Variants in PALM observed in about 807,000 individuals in gnomAD.
PALM encodes the protein paralemmin.
PALM carries 18 observed loss-of-function variants against 30.7 expected under a neutral mutation model. The observed-to-expected ratio is 0.59, with a 90% CI of 0.41 to 0.87. The LOEUF is 0.87. Ranked by LOEUF, PALM falls within the 40% of genes least tolerant of loss-of-function variation. The pLI is 0.00. For missense variants in PALM, 529 were observed against 555.4 expected, an observed-to-expected ratio of 0.95 and a Z score of 0.48; for synonymous variants, 286 against 242.8, an observed-to-expected ratio of 1.18 and a Z score of -1.66.
intron 7 of PALM, among the ~76,000 whole-genome samples, chr19:737,197 C>T (rs1409773290): frequency 6.6e-6 from 1 of 152,216 alleles, no homozygotes; most frequent in African/African-American, 2.4e-5. Context: ...ATGCAGCAGA[C>T]AGAGGCATTT....
At position 746,206 on chromosome 19, in the gene PALM, C is replaced by T. The variant is rs2384776; in HGVS notation, c.635-79C>T. The T allele has an allele frequency of 0.27, 301,224 of 1,127,080 alleles. 42,367 individuals carry two copies. Among genetic ancestry groups the T allele is most frequent in the Admixed American group, 0.47 (22,974 of 48,974 alleles). The allele number at this position is 1,127,080 out of a possible 1,614,324, so 69.8% of individuals were successfully genotyped here. A position where few individuals can be genotyped will look rare whatever the true frequency, so the allele number is the denominator to read the frequency against. On this transcript the variant is annotated intron_variant, in intron 8 of 8. Coordinates refer to ENST00000338448, the MANE Select transcript of PALM (RefSeq NM_002579.3). This position sits in a 1 kb window ranked among gnomAD's most constrained non-coding sequence, Gnocchi z 7.1. Reference sequence around the variant, plus strand: ...GAGGATACAAGCCTTGCCAAGGTTTCCCTCCTGCCTGAGCCAGGTCACTCT... The same window carrying T: ...GAGGATACAAGCCTTGCCAAGGTTTTCCTCCTGCCTGAGCCAGGTCACTCT...
chr19:720,152 C>T (rs1226619314), intron 1 of PALM, among the ~76,000 whole-genome samples: 1 of 148,216 alleles, frequency 6.7e-6, no homozygotes. Context: ...GAAGCCTCGG[C>T]CCCCCCCAAT....
intron 1 of PALM, among the ~76,000 whole-genome samples, chr19:721,067 G>A (rs2032461529): frequency 6.6e-6 from 1 of 152,162 alleles, no homozygotes; most frequent in Admixed American, 6.6e-5. Context: ...GTGGCTTCCA[G>A]CCATGGGAAG....
chr19:746,378 C>T lies in PALM; in HGVS notation c.728C>T (p.Thr243Met), dbSNP rs766138208. ...DELIHKADEV[T>M]LSEAGSTAGA... ...CTCATCCACAAAGCGGACGAGGTCACGCTGAGCGAGGCAGGGTCCACGGCC... is the reference window on the plus strand; with the variant it reads ...CTCATCCACAAAGCGGACGAGGTCATGCTGAGCGAGGCAGGGTCCACGGCC... The change falls in exon 9 of 9, where the codon ACG (threonine) becomes ATG (methionine). Residue 243 changes from threonine to methionine, a missense_variant. Transcript: ENST00000338448. This position sits in a 1 kb window ranked among gnomAD's most constrained non-coding sequence, Gnocchi z 7.1. 78 of 1,613,218 alleles carry T rather than the reference C, an allele frequency of 4.8e-5. 1 individual carries two copies. In the South Asian group the frequency reaches 6.1e-4, roughly 13 times the overall value.
intron 5 of PALM, among the ~76,000 whole-genome samples, chr19:732,675 C>T (rs552213487): frequency 4.0e-5 from 6 of 151,888 alleles, no homozygotes; most frequent in African/African-American, 1.4e-4. Flanking sequence ...GCCTGGGAGA[C>T]AGAGCAAGAT....
rs1007410170 is a variant in PALM, at chr19:735,107, C to A, written c.443-912C>A. The A allele has an allele frequency of 1.6e-5, 14 of 890,396 alleles. No individual in the cohort carries two copies. In the African/African-American group the frequency reaches 2.4e-4, roughly 15 times the overall value. The allele number at this position is 890,396 out of a possible 1,614,324, so 55.2% of individuals were successfully genotyped here. On this transcript the variant is annotated intron_variant, in intron 6 of 8. Coordinates refer to ENST00000338448, the MANE Select transcript of PALM (RefSeq NM_002579.3). ...ATTTTCTAGGGGTTGCGGTGGGGGT[C>A]CAGGTGCCTGTGTCTGTGCGGGGCC...
chr19:713,265 TC>T (rs1367689772), intron 1 of PALM, among the ~76,000 whole-genome samples: 1 of 152,082 alleles, frequency 6.6e-6, no homozygotes, highest in African/African-American at 2.4e-5. Context: ...TTGTCGGTGG[TC>T]TTGGCTCCTG....
chr19:723,096 T>G (rs1164932070), intron 1 of PALM, among the ~76,000 whole-genome samples: 1 of 150,030 alleles, frequency 6.7e-6, no homozygotes, highest in Non-Finnish European at 1.5e-5. Flanking sequence ...GGTGAGCCAG[T>G]GCACTGTGCA....
chr19:743,569 G>C (rs887691468), intron 8 of PALM, among the ~76,000 whole-genome samples: 2 of 152,238 alleles, frequency 1.3e-5, no homozygotes, highest in African/African-American at 4.8e-5. Context: ...AACTGAAAGT[G>C]GAGAACACTT....
At chr19:713,128 CAG>C (rs1410255031) in intron 1 of PALM, among the ~76,000 whole-genome samples, 1 of 151,820 alleles carries the variant, frequency 6.6e-6, no homozygotes, top group East Asian at 1.9e-4. Flanking sequence ...CCGCCGGGGA[CAG>C]GGGAGGGTTT....
Position 743,655 on chromosome 19 carries a change from C to T in PALM, c.635-2630C>T, listed in dbSNP as rs553572438. ...AGGCGAGTCCCTGGGACCCCCCTTG[C>T]GTCCCTCCCAACTCCCAGCGTGGCC... On this transcript the variant is annotated intron_variant, in intron 8 of 8. Transcript: ENST00000338448. Among the ~76,000 whole-genome samples, 163 of 152,320 alleles carry T rather than the reference C, an allele frequency of 1.1e-3. 1 individual carries two copies. The highest frequency in any genetic ancestry group is 3.7e-3 in the African/African-American group (153 of 41,560).
intron 1 of PALM, among the ~76,000 whole-genome samples, chr19:714,203 CTTG>C (rs2032179581): frequency 6.6e-6 from 1 of 150,562 alleles, no homozygotes; most frequent in African/African-American, 2.4e-5. Flanking sequence ...CCGCGCCCGG[CTTG>C]TTGTATATTT....
intron 1 of PALM, chr19:722,513 G>A (rs1448846888): frequency 6.6e-6 from 1 of 152,260 alleles, no homozygotes; most frequent in African/African-American, 2.4e-5. Flanking sequence ...ACAGGCTTGA[G>A]CCACCACACC....
intron 5 of PALM, among the ~76,000 whole-genome samples, chr19:733,426 T>C (rs117271794): frequency 0.033 from 4,977 of 150,892 alleles, 116 homozygotes; most frequent in East Asian, 0.072. Flanking sequence ...GAGACAGGAG[T>C]GTGTCCCAGA....
At chr19:717,808 C>T (rs1450992096) in intron 1 of PALM, among the ~76,000 whole-genome samples, 4 of 152,118 alleles carry the variant, frequency 2.6e-5, no homozygotes, top group Non-Finnish European at 4.4e-5. Flanking sequence ...AGACCCTAAT[C>T]GACTCCCTGG....
chr19:715,486 C>G (rs2032228021), intron 1 of PALM, among the ~76,000 whole-genome samples: 1 of 152,218 alleles, frequency 6.6e-6, no homozygotes, highest in Admixed American at 6.6e-5. Flanking sequence ...CATCATGAAC[C>G]TTTTCTGAGA....
intron 1 of PALM, chr19:719,181 G>A: frequency 1.0e-6 from 1 of 985,474 alleles, no homozygotes; most frequent in Non-Finnish European, 1.2e-6. Context: ...GGAAGGACGA[G>A]TGCGACGCCC....
intron 4 of PALM, among the ~76,000 whole-genome samples, chr19:730,374 G>C (rs1410478203): frequency 1.3e-5 from 2 of 152,200 alleles, no homozygotes; most frequent in African/African-American, 4.8e-5. Context: ...CCAGACCCCG[G>C]GGCTGGGATT....
chr19:726,936 G>A (rs1568225028), intron 2 of PALM, 72 bp from the exon 3 acceptor site: 1 of 961,578 alleles, frequency 1.0e-6, no homozygotes, highest in Non-Finnish European at 1.6e-6. Context: ...GCTGGGCAGA[G>A]CCTTGTGTGG....
Sources: allele counts gnomAD v4.1 joint callset (sites outside exome capture counted in the v4.1 genomes callset), GRCh38; gene constraint gnomAD v4.1.1; non-coding constraint Gnocchi (gnomAD v3.1); transcripts MANE v1.5; gene names NCBI Gene and HGNC (gene_info 2026-07-23, HGNC 2026-07-21).